VAV2: variants seen among roughly 807,000 people sequenced by gnomAD.
VAV2 encodes guanine nucleotide exchange factor VAV2.
Under a neutral mutation model 132.5 loss-of-function variants are expected in VAV2, and 67 were observed. That is an observed-to-expected ratio of 0.51 (90% CI 0.42 to 0.62). The LOEUF is 0.62. Ranked by LOEUF, VAV2 falls within the 20% of genes least tolerant of loss-of-function variation. The pLI is 0.00. For synonymous variants in VAV2, 492 were observed against 443.5 expected (o/e 1.11, Z -1.37); for missense variants, 938 against 1,153.6 (o/e 0.81, Z 2.71).
intron 2 of VAV2, among the ~76,000 whole-genome samples, chr9:133,922,911 C>CA (rs1330786698): frequency 6.6e-6 from 1 of 152,180 alleles, no homozygotes; most frequent in African/African-American, 2.4e-5. Flanking sequence ...GGGTGAAAGG[C>CA]AATCTACTGA....
At chr9:133,936,667 T>C (rs1840922227) in intron 2 of VAV2, among the ~76,000 whole-genome samples, 1 of 152,146 alleles carries the variant, frequency 6.6e-6, no homozygotes, top group Admixed American at 6.5e-5. Context: ...AACCTGCACT[T>C]CACAAACACC....
At chr9:133,796,307 T>C (rs755769651) in intron 11 of VAV2, 122 bp downstream of exon 11, 5 of 761,238 alleles carry the variant, frequency 6.6e-6, no homozygotes, top group African/African-American at 1.8e-5. Flanking sequence ...AAGCATGAAC[T>C]GACTTGTCTA....
chr9:133,848,692 C>T (rs547033546), intron 3 of VAV2, among the ~76,000 whole-genome samples: 2 of 152,294 alleles, frequency 1.3e-5, no homozygotes, highest in South Asian at 2.1e-4. Flanking sequence ...CACGTGGAGC[C>T]GGGCATCTTT....
intron 1 of VAV2, among the ~76,000 whole-genome samples, chr9:133,974,507 CCT>C (rs1842443474): frequency 6.6e-6 from 1 of 152,264 alleles, no homozygotes; most frequent in African/African-American, 2.4e-5. Flanking sequence ...ACACCTGCAC[CCT>C]GTGTCAGGTG....
chr9:133,821,050 T>C (rs3858100), intron 4 of VAV2, among the ~76,000 whole-genome samples: 31,129 of 152,130 alleles, frequency 0.2, 3,914 homozygotes, highest in African/African-American at 0.35. Context: ...GAAAAGCACC[T>C]CAAGGCCCTG....
intron 1 of VAV2, among the ~76,000 whole-genome samples, chr9:133,956,093 C>T (rs528906665): frequency 1.3e-5 from 2 of 152,044 alleles, no homozygotes; most frequent in Non-Finnish European, 2.9e-5. Flanking sequence ...GGACAAGTCG[C>T]TGACCCTCCT....
intron 9 of VAV2, among the ~76,000 whole-genome samples, chr9:133,803,033 A>G (rs10123623): frequency 0.19 from 28,262 of 152,028 alleles, 5,255 homozygotes; most frequent in African/African-American, 0.48. Context: ...GTGGACCATG[A>G]CCGGGGACTC....
chr9:133,956,299 C>T (rs1057278330), intron 1 of VAV2, among the ~76,000 whole-genome samples: 4 of 152,118 alleles, frequency 2.6e-5, no homozygotes, highest in African/African-American at 9.7e-5. Flanking sequence ...TCCCCTGGGC[C>T]CTGCAGCCCC....
chr9:133,976,996 G>C (rs1034790290), intron 1 of VAV2, among the ~76,000 whole-genome samples: 13 of 152,230 alleles, frequency 8.5e-5, no homozygotes, highest in Non-Finnish European at 2.9e-5. Context: ...AAGGCTGAAG[G>C]GGGTGCCTCT....
intron 2 of VAV2, among the ~76,000 whole-genome samples, chr9:133,892,301 G>GCACA (rs1229684081): frequency 6.6e-6 from 1 of 151,654 alleles, no homozygotes; most frequent in African/African-American, 2.4e-5. Flanking sequence ...TAGGAAGTGA[G>GCACA]GCCTCCTGGT....
chr9:133,957,913 G>A (rs977974950), intron 1 of VAV2, among the ~76,000 whole-genome samples: 5 of 150,038 alleles, frequency 3.3e-5, no homozygotes, highest in African/African-American at 7.3e-5. Flanking sequence ...CCCCAACCCC[G>A]TGCTCTCTGA....
intron 1 of VAV2, among the ~76,000 whole-genome samples, chr9:133,954,023 ATTC>A (rs141971619): frequency 0.28 from 43,274 of 151,900 alleles, 6,371 homozygotes; most frequent in East Asian, 0.41. Flanking sequence ...CATGTGTGAC[ATTC>A]TTAAGATCCC....
At chr9:133,962,775 A>C (rs936639038) in intron 1 of VAV2, among the ~76,000 whole-genome samples, 1 of 152,174 alleles carries the variant, frequency 6.6e-6, no homozygotes, top group Non-Finnish European at 1.5e-5. Context: ...TCGAGATATC[A>C]TTGTTTGATT....
At chr9:133,803,856 A>T (rs1347313281) in intron 9 of VAV2, among the ~76,000 whole-genome samples, 4 of 152,096 alleles carry the variant, frequency 2.6e-5, no homozygotes, top group Non-Finnish European at 5.9e-5. Context: ...CCTTCCCTGG[A>T]GAACCGCCCC....
intron 9 of VAV2, among the ~76,000 whole-genome samples, chr9:133,801,397 C>T (rs933552316): frequency 2.0e-5 from 3 of 152,344 alleles, no homozygotes; most frequent in Non-Finnish European, 2.9e-5. Context: ...AGAAGGGGAA[C>T]AGGGCCAGAT....
intron 22 of VAV2, among the ~76,000 whole-genome samples, chr9:133,778,244 A>G (rs557081197): frequency 1.3e-5 from 2 of 152,348 alleles, no homozygotes; most frequent in East Asian, 1.9e-4. Flanking sequence ...GAAACAGAGC[A>G]GCACATTCCT....
intron 4 of VAV2, among the ~76,000 whole-genome samples, chr9:133,822,587 T>C (rs1445859701): frequency 2.0e-5 from 3 of 152,070 alleles, no homozygotes; most frequent in Non-Finnish European, 4.4e-5. Context: ...GGCCTTGCTT[T>C]TTCTACAGGT....
chr9:133,989,813 C>T (rs991036378), intron 1 of VAV2, among the ~76,000 whole-genome samples: 6 of 152,218 alleles, frequency 3.9e-5, no homozygotes, highest in Non-Finnish European at 5.9e-5. Flanking sequence ...AATGAACAGG[C>T]GGGGCTGTCA....
chr9:133,820,859 CATTGT>C (rs1280333113), intron 4 of VAV2, among the ~76,000 whole-genome samples: 3 of 152,192 alleles, frequency 2.0e-5, no homozygotes, highest in African/African-American at 7.2e-5. Flanking sequence ...AGGAGGGTCC[CATTGT>C]GCAAGGACCC....
Sources: gnomAD v4.1 joint callset for allele counts (sites outside exome capture counted in the v4.1 genomes callset) on GRCh38, gnomAD v4.1.1 for gene constraint, MANE v1.5 for transcripts, NCBI Gene and HGNC (gene_info 2026-07-23, HGNC 2026-07-21) for gene names.